DYNC2I1: variants seen among roughly 807,000 people sequenced by gnomAD.
DYNC2I1 encodes the protein cytoplasmic dynein 2 intermediate chain 1.
In DYNC2I1, 89 loss-of-function variants were observed where a neutral mutation model predicts 133.4. That is an observed-to-expected ratio of 0.67 (90% CI 0.56 to 0.80). The LOEUF (loss-of-function observed/expected upper bound fraction) is 0.80, where lower values mean the gene tolerates loss of function less well. DYNC2I1 is among the 30% of genes least tolerant of loss of function. The probability of loss-of-function intolerance (pLI) is 0.00; values close to 1 mark genes in which losing one functional copy is unlikely to be tolerated. For missense variants in DYNC2I1, 1,291 were observed against 1,314.5 expected (o/e 0.98, Z 0.28); for synonymous variants, 504 against 484.3 (o/e 1.04, Z -0.54).
At chr7:158,899,870 T>C (rs1415500404) in intron 8 of DYNC2I1, among the ~76,000 whole-genome samples, 2 of 152,208 alleles carry the variant, frequency 1.3e-5, no homozygotes, top group Non-Finnish European at 2.9e-5. Flanking sequence ...TTATCAGCAG[T>C]GTGAAAACGG....
At chr7:158,871,099 C>G in intron 2 of DYNC2I1, 43 bp from the exon 3 acceptor site, 1 of 1,563,696 alleles carries the variant, frequency 6.4e-7, no homozygotes. Flanking sequence ...TAATGGAAAT[C>G]TGCCTTCCTG....
Position 158,934,202 on chromosome 7 carries a change from A to G in DYNC2I1, c.2620A>G (p.Asn874Asp). ...TGTTAAATTTCTGCCTTCAGATCCTAATCACTTTATTATTGGCACAGACAT... is the reference window on the plus strand; with the variant it reads ...TGTTAAATTTCTGCCTTCAGATCCTGATCACTTTATTATTGGCACAGACAT... The part of the protein sequence containing the change: ...LNVKFLPSDP[N>D]HFIIGTDMGL... Residue 874 changes from asparagine to aspartate, a missense_variant, in exon 22 of 25, where the codon AAT becomes GAT. By Grantham distance (23) the Asn-to-Asp change is conservative. Transcript: ENST00000407559. 6.2e-7 allele frequency: 1 copy of G among 1,612,418 alleles called. No homozygotes were observed. The highest frequency in any genetic ancestry group is 8.5e-7 in the Non-Finnish European group (1 of 1,179,474).
intron 1 of DYNC2I1, among the ~76,000 whole-genome samples, chr7:158,867,799 G>A (rs1315233857): frequency 1.3e-5 from 2 of 152,238 alleles, no homozygotes; most frequent in South Asian, 4.1e-4. Context: ...CCCAGGGTGC[G>A]CGGTGAGAGC....
chr7:158,884,043 AC>A, intron 5 of DYNC2I1, among the ~76,000 whole-genome samples: 1 of 139,230 alleles, frequency 7.2e-6, no homozygotes, highest in South Asian at 2.3e-4. Flanking sequence ...CTTTTAAAAA[AC>A]AATTTTTTTT....
intron 23 of DYNC2I1, among the ~76,000 whole-genome samples, chr7:158,937,020 C>T (rs572257241): frequency 3.7e-4 from 57 of 152,300 alleles, no homozygotes; most frequent in African/African-American, 1.4e-3. Flanking sequence ...AACAGGGAAT[C>T]ATGACCTCCC....
At chr7:158,893,449 A>G (rs1295532853) in intron 8 of DYNC2I1, among the ~76,000 whole-genome samples, 1 of 152,200 alleles carries the variant, frequency 6.6e-6, no homozygotes, top group Non-Finnish European at 1.5e-5. Flanking sequence ...AATGTGCTCC[A>G]AACAGTTACG....
At chr7:158,855,067 T>C (rs56682777), upstream of DYNC2I1, among the ~76,000 whole-genome samples, 3,222 of 152,336 alleles carry the variant, frequency 0.021, 109 homozygotes, top group African/African-American at 0.073. Context: ...GGGGTTCACC[T>C]TGCCCGCTGC....
intron 8 of DYNC2I1, among the ~76,000 whole-genome samples, chr7:158,893,699 T>C (rs1023547738): frequency 1.3e-5 from 2 of 150,168 alleles, no homozygotes; most frequent in African/African-American, 2.5e-5. Flanking sequence ...CATATCCTAC[T>C]GCATATCGTA....
chr7:158,848,707 G>A, the DYNC2I1 span, among the ~76,000 whole-genome samples: 37 of 152,246 alleles, frequency 2.4e-4, no homozygotes, highest in South Asian at 3.9e-3. Context: ...GGCGGATCAC[G>A]AGGTCAGGAG....
At chr7:158,943,232 G>A (rs1482429729) in intron 24 of DYNC2I1, among the ~76,000 whole-genome samples, 1 of 152,182 alleles carries the variant, frequency 6.6e-6, no homozygotes, top group Non-Finnish European at 1.5e-5. Context: ...AATCCAGACT[G>A]TGATTTGCAG....
At chr7:158,894,074 A>G (rs893778413) in intron 8 of DYNC2I1, among the ~76,000 whole-genome samples, 2 of 151,972 alleles carry the variant, frequency 1.3e-5, no homozygotes, top group African/African-American at 4.8e-5. Context: ...CACATATCAT[A>G]CCACATATTA....
chr7:158,893,018 C>T (rs1845389561), intron 8 of DYNC2I1, among the ~76,000 whole-genome samples: 1 of 151,942 alleles, frequency 6.6e-6, no homozygotes, highest in Non-Finnish European at 1.5e-5. Context: ...AATAGCCTCC[C>T]CTATTATCAA....
chr7:158,852,664 T>G (rs767147701), upstream of DYNC2I1, among the ~76,000 whole-genome samples: 1 of 151,416 alleles, frequency 6.6e-6, no homozygotes, highest in Non-Finnish European at 1.5e-5. Flanking sequence ...GCTTGAACCC[T>G]GGAGGCGGAG....
chr7:158,878,777 A>G (rs1359510217), intron 4 of DYNC2I1, among the ~76,000 whole-genome samples: 1 of 137,932 alleles, frequency 7.2e-6, no homozygotes, highest in African/African-American at 2.8e-5. Flanking sequence ...GGAGGCCAGG[A>G]GGGCCGACTC....
At position 158,871,172 on chromosome 7, in the gene DYNC2I1, A is replaced by G; in HGVS notation, c.100A>G (p.Arg34Gly). Residue 34 changes from arginine (R) to glycine (G), a missense_variant, in exon 3 of 25, where the codon AGA becomes GGA. Coordinates refer to ENST00000407559, the MANE Select transcript of DYNC2I1 (RefSeq NM_018051.5). ...AIQSGGSKEE[R>G]KHREKKLRKE... ...ACAGTCAGGTGGTTCCAAGGAAGAA[A>G]GAAAGCACAGAGAGAAGAAGCTGCG... 1 of 1,613,520 alleles carries G rather than the reference A, an allele frequency of 6.2e-7. No individual in the cohort carries two copies. The highest frequency in any genetic ancestry group is 1.1e-5 in the South Asian group (1 of 91,028).
intron 21 of DYNC2I1, among the ~76,000 whole-genome samples, chr7:158,933,374 T>C (rs1317175994): frequency 6.6e-6 from 1 of 152,228 alleles, no homozygotes; most frequent in African/African-American, 2.4e-5. Context: ...CCAGGCTGTC[T>C]CAGACCTTCT....
At chr7:158,866,557 T>C (rs545341709) in intron 1 of DYNC2I1, among the ~76,000 whole-genome samples, 1 of 152,070 alleles carries the variant, frequency 6.6e-6, no homozygotes, top group South Asian at 2.1e-4. Context: ...TTATAGCAGG[T>C]CCTATATTAA....
At chr7:158,857,965 A>G (rs898750811) in intron 1 of DYNC2I1, among the ~76,000 whole-genome samples, 4 of 151,570 alleles carry the variant, frequency 2.6e-5, no homozygotes, top group Middle Eastern at 3.2e-3. Context: ...TAATTTTTGT[A>G]TTTTTAGTAG....
At chr7:158,947,172 AGG>A (rs563145504), downstream of DYNC2I1, among the ~76,000 whole-genome samples, 37 of 152,302 alleles carry the variant, frequency 2.4e-4, no homozygotes, top group African/African-American at 8.4e-4. Context: ...CATGGAACTC[AGG>A]GTCACAGTCA....
Sources: allele counts gnomAD v4.1 joint callset (sites outside exome capture counted in the v4.1 genomes callset), GRCh38; gene constraint gnomAD v4.1.1; transcripts MANE v1.5; gene names NCBI Gene and HGNC (gene_info 2026-07-23, HGNC 2026-07-21).